The following MAGI3 variants were observed in gnomAD, a reference collection of about 807,000 sequenced individuals.
MAGI3 encodes membrane-associated guanylate kinase, WW and PDZ domain-containing protein 3.
MAGI3 carries 43 observed loss-of-function variants against 121.8 expected under a neutral mutation model. The ratio of observed to expected loss-of-function variants is 0.35; its 90% CI spans 0.28 to 0.46. The LOEUF (loss-of-function observed/expected upper bound fraction) is 0.46, where lower values mean the gene tolerates loss of function less well. Ranked by LOEUF, MAGI3 falls within the 20% of genes least tolerant of loss-of-function variation. The pLI is 1.00. For synonymous variants in MAGI3, 553 were observed against 639.3 expected (o/e 0.86, Z 2.04); for missense variants, 1,547 against 1,797.3 (o/e 0.86, Z 2.52).
chr1:113,416,752 A>G (rs894298012), intron 1 of MAGI3, among the ~76,000 whole-genome samples: 21 of 151,580 alleles, frequency 1.4e-4, no homozygotes, highest in African/African-American at 5.1e-4. Context: ...TTTGGTTGCA[A>G]TGATGATATA....
At chr1:113,449,865 T>A (rs1245502802) in intron 1 of MAGI3, 1 of 1,490,344 alleles carries the variant, frequency 6.7e-7, no homozygotes, top group South Asian at 1.1e-5. Flanking sequence ...TTCCAGGGGC[T>A]TTGGTTTTGT....
chr1:113,575,392 T>C (rs1386442849), intron 2 of MAGI3, among the ~76,000 whole-genome samples: 1 of 152,176 alleles, frequency 6.6e-6, no homozygotes, highest in Non-Finnish European at 1.5e-5. Flanking sequence ...GTCCTTTTGG[T>C]TAATGTTCAT....
chr1:113,576,206 G>A (rs1350571702), intron 2 of MAGI3, among the ~76,000 whole-genome samples: 1 of 152,110 alleles, frequency 6.6e-6, no homozygotes, highest in Non-Finnish European at 1.5e-5. Flanking sequence ...GAACAGTTCT[G>A]TCTCACTGGA....
intron 9 of MAGI3, among the ~76,000 whole-genome samples, chr1:113,625,933 C>T (rs574239457): frequency 1.2e-3 from 188 of 152,120 alleles, no homozygotes; most frequent in African/African-American, 4.1e-3. Context: ...ATTTTTTCAG[C>T]ATCAGTTGAA....
chr1:113,594,584 A>C, intron 6 of MAGI3, 24 bp downstream of exon 6: 1 of 1,571,290 alleles, frequency 6.4e-7, no homozygotes, highest in Non-Finnish European at 8.7e-7. Context: ...AACTTACTCT[A>C]TCATACTTAT....
intron 14 of MAGI3, among the ~76,000 whole-genome samples, chr1:113,652,568 C>T (rs903141870): frequency 2.6e-5 from 4 of 151,880 alleles, no homozygotes; most frequent in Non-Finnish European, 4.4e-5. Context: ...ATACAACCTA[C>T]GCTCTTCCCT....
intron 19 of MAGI3, among the ~76,000 whole-genome samples, chr1:113,674,906 T>C (rs1215329763): frequency 6.6e-6 from 1 of 152,152 alleles, no homozygotes; most frequent in Non-Finnish European, 1.5e-5. Context: ...TGCATAGGAT[T>C]TCAATAGGGA....
In MAGI3 at chr1:113,391,738, C is replaced by T. The variant is rs1349139597; in HGVS notation, c.316+389C>T. ...TCTTTGGAACGATCTTACGCATCTT[C>T]TAACAGGGAAAAAGGGACTTTACTA... On this transcript the variant is annotated intron_variant, in intron 1 of 20. Coordinates refer to ENST00000307546, the MANE Select transcript of MAGI3 (RefSeq NM_001142782.2). The surrounding 1 kb of genome is among the most constrained non-coding windows in gnomAD (Gnocchi z 4.4). Among the ~76,000 whole-genome samples the T allele has an allele frequency of 6.6e-6, 1 of 152,188 alleles. No individual in the cohort carries two copies. The highest frequency in any genetic ancestry group is 1.5e-5 in the Non-Finnish European group (1 of 68,028).
Position 113,641,913 on chromosome 1 carries a change from G to A in MAGI3, c.1363G>A (p.Asp455Asn), listed in dbSNP as rs1448932762. Reference sequence around the variant, plus strand: ...TTAACATGATTATGTTTTTCCAGGCGATGTTATTGTAGACATCAATGGCAA... The same window carrying A: ...TTAACATGATTATGTTTTTCCAGGCAATGTTATTGTAGACATCAATGGCAA... ...AAQDGKIAPG[D>N]VIVDINGNCV... Residue 455 changes from aspartate to asparagine, a missense_variant and splice_region_variant, in exon 10 of 21, where the codon GAT becomes AAT. Physicochemically the swap from Asp to Asn is conservative, Grantham distance 23. Transcript: ENST00000307546. 11 of 1,543,102 alleles carry A rather than the reference G, an allele frequency of 7.1e-6. No homozygotes were observed. Among genetic ancestry groups the A allele is most frequent in the East Asian group, 4.6e-5 (2 of 43,312 alleles).
At chr1:113,437,837 TTCTTCTTCTTCTTCTTCTTCTTCTTCC>T (rs1272769138) in intron 1 of MAGI3, among the ~76,000 whole-genome samples, 2,924 of 53,540 alleles carry the variant, frequency 0.055, 147 homozygotes, top group East Asian at 0.078. Flanking sequence ...CTTCTTCTTC[TTCTTCTTCTTCTTCTTCTTCTTCTTCC>T]TCTTCTTCTT....
intron 1 of MAGI3, among the ~76,000 whole-genome samples, chr1:113,538,219 C>G (rs1659095701): frequency 6.6e-6 from 1 of 152,198 alleles, no homozygotes; most frequent in African/African-American, 2.4e-5. Context: ...TCCCTTTCAG[C>G]TGTCTCTTTA....
intron 1 of MAGI3, among the ~76,000 whole-genome samples, chr1:113,536,742 A>G (rs1449941179): frequency 7.9e-5 from 12 of 152,080 alleles, no homozygotes. Flanking sequence ...AATAATTTGT[A>G]TGTCAGTCTG....
At chr1:113,456,324 CAT>C (rs1654757122) in intron 1 of MAGI3, among the ~76,000 whole-genome samples, 1 of 152,030 alleles carries the variant, frequency 6.6e-6, no homozygotes, top group Non-Finnish European at 1.5e-5. Flanking sequence ...CCCTCTCAAA[CAT>C]AAAAAACAAC....
rs374487602 is a variant in MAGI3 at position 113,591,028 on chromosome 1, A to G, written c.938+370A>G. Among the ~76,000 whole-genome samples the G allele has an allele frequency of 3.9e-5, 6 of 152,248 alleles. No individual in the cohort carries two copies. The South Asian group carries it at 8.3e-4, about 21-fold the overall frequency. ...AAGAATTGTCATCATGAGTAGGAGC[A>G]TATTATTATCCGAATTAAATATTTT... On this transcript the variant is annotated intron_variant, in intron 5 of 20. Transcript: ENST00000307546.
intron 1 of MAGI3, among the ~76,000 whole-genome samples, chr1:113,511,726 G>A (rs1415671312): frequency 6.6e-6 from 1 of 152,166 alleles, no homozygotes; most frequent in Non-Finnish European, 1.5e-5. Flanking sequence ...AGATCATCTG[G>A]CAGATTTCTT....
At chr1:113,399,822 G>A (rs1359746016) in intron 1 of MAGI3, among the ~76,000 whole-genome samples, 1 of 152,000 alleles carries the variant, frequency 6.6e-6, no homozygotes, top group African/African-American at 2.4e-5. Flanking sequence ...AAACAATTAC[G>A]TTTTTAAAAC....
At chr1:113,404,866 A>C (rs1168781040) in intron 1 of MAGI3, among the ~76,000 whole-genome samples, 2 of 152,132 alleles carry the variant, frequency 1.3e-5, no homozygotes, top group African/African-American at 4.8e-5. Flanking sequence ...CTACAAGCCT[A>C]GTTTTCATGA....
intron 1 of MAGI3, among the ~76,000 whole-genome samples, chr1:113,518,853 C>CTGAA (rs1658048132): frequency 6.6e-6 from 1 of 151,856 alleles, no homozygotes; most frequent in South Asian, 2.1e-4. Context: ...TATGCTTATT[C>CTGAA]TAAGAAAATG....
chr1:113,572,322 C>T (rs947540023), intron 2 of MAGI3, among the ~76,000 whole-genome samples: 9 of 152,090 alleles, frequency 5.9e-5, no homozygotes, highest in Non-Finnish European at 1.0e-4. Flanking sequence ...TTTTTCGCAT[C>T]GATGTTCATT....
Sources: gnomAD v4.1 joint callset for allele counts (sites outside exome capture counted in the v4.1 genomes callset) on GRCh38, gnomAD v4.1.1 for gene constraint, Gnocchi (gnomAD v3.1) non-coding constraint, MANE v1.5 for transcripts, NCBI Gene and HGNC (gene_info 2026-07-23, HGNC 2026-07-21) for gene names.